Variants in ZNF236 observed in about 807,000 individuals in gnomAD.
The protein encoded by ZNF236 is zinc finger protein 236.
Under a neutral mutation model 191.2 loss-of-function variants are expected in ZNF236, and 50 were observed. The observed-to-expected ratio is 0.26, with a 90% CI of 0.21 to 0.33. The LOEUF (loss-of-function observed/expected upper bound fraction) is 0.33, where lower values mean the gene tolerates loss of function less well. Ranked by LOEUF, ZNF236 falls within the 10% of genes least tolerant of loss-of-function variation. The pLI, the probability that ZNF236 is intolerant of heterozygous loss-of-function variation, is 1.00. For synonymous variants in ZNF236, 907 were observed against 928.8 expected, an observed-to-expected ratio of 0.98 and a Z score of 0.43; for missense variants, 1,754 against 2,374.5, an observed-to-expected ratio of 0.74 and a Z score of 5.43.
rs999184848 is a variant in ZNF236 at position 76,972,137 on chromosome 18, C to T, written c.*3798C>T. ...GAATGAAATTTCAAAAGCGCCTACA[C>T]GCACCACCCAATTTAATGTCGTATC... On this transcript the variant is annotated 3_prime_UTR_variant, in exon 31 of 31. Transcript: ENST00000320610. Among the ~76,000 whole-genome samples, 25 of 152,226 alleles carry T rather than the reference C, an allele frequency of 1.6e-4. No individual in the cohort carries two copies. Among genetic ancestry groups the T allele is most frequent in the Admixed American group, 7.9e-4 (12 of 15,276 alleles).
In ZNF236 at chr18:76,837,731, G is replaced by A. The variant is rs146396099; in HGVS notation, c.56-11795G>A. Among the ~76,000 whole-genome samples, 439 of 152,196 alleles carry A rather than the reference G, an allele frequency of 2.9e-3. 5 individuals are homozygous for A. Among genetic ancestry groups the A allele is most frequent in the African/African-American group, 0.01 (419 of 41,524 alleles). On this transcript the variant is annotated intron_variant, in intron 1 of 30. Coordinates refer to ENST00000320610, the MANE Select transcript of ZNF236 (RefSeq NM_001306089.2). ...GCTGGGATTACAGGCGTGACCCACC[G>A]CGCCTGGCTTTGAATTCAGTTTTTA...
In ZNF236 at chr18:76,895,025, A is replaced by T; in HGVS notation, c.1430A>T (p.Glu477Val). The T allele has an allele frequency of 6.2e-7, 1 of 1,609,682 alleles. No individual in the cohort carries two copies. Among genetic ancestry groups the T allele is most frequent in the African/African-American group, 1.3e-5 (1 of 75,070 alleles). The change falls in exon 10 of 31, where the codon GAG becomes GTG. Residue 477 changes from glutamate to valine, a missense_variant. Physicochemically the swap from Glu to Val is moderately radical, Grantham distance 121. Transcript: ENST00000320610. ...TCTCCCTTCACAGGCTCCATCCGCGAGGAGAACGGCGTGCGCTGGCATGTG... is the reference window on the plus strand; with the variant it reads ...TCTCCCTTCACAGGCTCCATCCGCGTGGAGAACGGCGTGCGCTGGCATGTG... ...KSPFLPGSIR[E>V]ENGVRWHVCP...
intron 25 of ZNF236, chr18:76,936,254 T>A (rs1438582095): frequency 2.2e-6 from 1 of 449,338 alleles, no homozygotes; most frequent in African/African-American, 2.0e-5. Context: ...CTGGCACAAG[T>A]GGATGAGGAA....
At position 76,969,070 on chromosome 18, in the gene ZNF236, G is replaced by A; in HGVS notation, c.*731G>A. The A allele has an allele frequency of 3.8e-6, 3 of 783,552 alleles. No homozygotes were observed. The highest frequency in any genetic ancestry group is 5.8e-5 in the South Asian group (1 of 17,282). The allele number at this position is 783,552 out of a possible 1,614,324, so 48.5% of individuals were successfully genotyped here. ...ACTTACCGCATCAATCTGTGTTCAGGTCCAGGGTTACATAATTGCAGAAGC... is the reference window on the plus strand; with the variant it reads ...ACTTACCGCATCAATCTGTGTTCAGATCCAGGGTTACATAATTGCAGAAGC... On this transcript the variant is annotated 3_prime_UTR_variant, in exon 31 of 31. Coordinates refer to ENST00000320610, the MANE Select transcript of ZNF236 (RefSeq NM_001306089.2).
intron 3 of ZNF236, among the ~76,000 whole-genome samples, chr18:76,868,310 C>A (rs1400591957): frequency 6.6e-6 from 1 of 152,186 alleles, no homozygotes; most frequent in Non-Finnish European, 1.5e-5. Context: ...ACTTTGAATT[C>A]TTTCCTGACC....
Position 76,925,579 on chromosome 18 carries a change from G to A in ZNF236, c.4027+25G>A. 3.7e-6 allele frequency: 6 copies of A among 1,603,042 alleles called. No homozygotes were observed. Among genetic ancestry groups the A allele is most frequent in the Non-Finnish European group, 5.1e-6 (6 of 1,177,436 alleles). On this transcript the variant is annotated intron_variant, in intron 22 of 30. Coordinates refer to ENST00000320610, the MANE Select transcript of ZNF236 (RefSeq NM_001306089.2). This position sits in a 1 kb window ranked among gnomAD's most constrained non-coding sequence, Gnocchi z 5.7. ...GGTAAACGCTGAGCCGAGGGAATGA[G>A]AGCAGCACAGTGATTGAACTGTTCT...
chr18:76,862,290 G>A (rs1976262357), intron 3 of ZNF236, among the ~76,000 whole-genome samples: 3 of 152,200 alleles, frequency 2.0e-5, no homozygotes, highest in Admixed American at 1.3e-4. Flanking sequence ...CTGGGAAAAG[G>A]TTGGTCCAAC....
At chr18:76,845,621 T>A (rs969339441) in intron 1 of ZNF236, among the ~76,000 whole-genome samples, 1 of 152,002 alleles carries the variant, frequency 6.6e-6, no homozygotes, top group Non-Finnish European at 1.5e-5. Flanking sequence ...GAGGCAGAGA[T>A]GGGTGGATCA....
rs565383218 is a variant in ZNF236, at chr18:76,866,792, A to G, written c.364-1893A>G. Among the ~76,000 whole-genome samples the G allele has an allele frequency of 5.1e-4, 77 of 152,266 alleles. 1 individual carries two copies. The highest frequency in any genetic ancestry group is 1.2e-3 in the South Asian group (6 of 4,822). On this transcript the variant is annotated intron_variant, in intron 3 of 30. Transcript: ENST00000320610. ...CATGGGGTGTTGTTCTTCTTACAGA[A>G]GAACACTTCCTCAAGTGTTGCCAGG...
At chr18:76,909,755 C>T (rs968717094) in intron 14 of ZNF236, among the ~76,000 whole-genome samples, 2 of 152,152 alleles carry the variant, frequency 1.3e-5, no homozygotes, top group African/African-American at 4.8e-5. Context: ...TACACTTACC[C>T]CTATGGTGCC....
At chr18:76,856,623 T>A (rs1976048548) in intron 3 of ZNF236, among the ~76,000 whole-genome samples, 1 of 152,180 alleles carries the variant, frequency 6.6e-6, no homozygotes, top group African/African-American at 2.4e-5. Context: ...TAGCCATGAA[T>A]AATATTTTTA....
At position 76,972,213 on chromosome 18, in the gene ZNF236, G is replaced by T. The variant is rs1166170779; in HGVS notation, c.*3874G>T. Among the ~76,000 whole-genome samples the T allele has an allele frequency of 2.0e-5, 3 of 152,190 alleles. No individual in the cohort carries two copies. Among genetic ancestry groups the T allele is most frequent in the African/African-American group, 4.8e-5 (2 of 41,444 alleles). On this transcript the variant is annotated 3_prime_UTR_variant, in exon 31 of 31. Coordinates refer to ENST00000320610, the MANE Select transcript of ZNF236 (RefSeq NM_001306089.2). The stretch of plus-strand genomic sequence containing the variant: ...CCATATTCTAATGAAAAGATCGTAC[G>T]CCAAAGGCCACTGAGCTGGCATCTT...
At chr18:76,883,563 G>A (rs1404734941) in intron 9 of ZNF236, among the ~76,000 whole-genome samples, 2 of 151,868 alleles carry the variant, frequency 1.3e-5, no homozygotes, top group African/African-American at 2.4e-5. Context: ...AGCTGGGACT[G>A]CAGGCATGTG....
intron 28 of ZNF236, among the ~76,000 whole-genome samples, chr18:76,957,288 C>T (rs902930846): frequency 6.6e-6 from 1 of 152,098 alleles, no homozygotes; most frequent in South Asian, 2.1e-4. Flanking sequence ...ACCAGGATGG[C>T]TTTTTTGGAG....
chr18:76,863,485 G>A (rs1289963567), intron 3 of ZNF236, among the ~76,000 whole-genome samples: 2 of 152,104 alleles, frequency 1.3e-5, no homozygotes, highest in African/African-American at 2.4e-5. Flanking sequence ...CACTGATTCA[G>A]GTGACAGCGA....
At chr18:76,952,987 G>A (rs1189147788) in intron 27 of ZNF236, among the ~76,000 whole-genome samples, 3 of 152,082 alleles carry the variant, frequency 2.0e-5, no homozygotes, top group Non-Finnish European at 4.4e-5. Flanking sequence ...TACGGCCTGG[G>A]GCTCACTTCG....
At chr18:76,871,543 C>T (rs1976584058) in intron 4 of ZNF236, among the ~76,000 whole-genome samples, 158 bp from the exon 5 acceptor site, 1 of 152,054 alleles carries the variant, frequency 6.6e-6, no homozygotes, top group Non-Finnish European at 1.5e-5. Flanking sequence ...TTAAAACTAA[C>T]ACATATACAC....
At position 76,847,610 on chromosome 18, in the gene ZNF236, C is replaced by T. The variant is rs1331081924; in HGVS notation, c.56-1916C>T. 3.9e-5 allele frequency among the ~76,000 whole-genome samples: 6 copies of T among 152,236 alleles called. No homozygotes were observed. In the South Asian group the frequency reaches 1.0e-3, roughly 26 times the overall value. On this transcript the variant is annotated intron_variant, in intron 1 of 30. Coordinates refer to ENST00000320610, the MANE Select transcript of ZNF236 (RefSeq NM_001306089.2). ...CCTCCCGAGTAGCTGGGGCTACAGG[C>T]GCCCACCACCACGCCCGGCTGATTT...
chr18:76,847,554 C>T (rs920401647), intron 1 of ZNF236, among the ~76,000 whole-genome samples: 5 of 152,196 alleles, frequency 3.3e-5, no homozygotes, highest in Admixed American at 2.0e-4. Flanking sequence ...CAAGCTCGGC[C>T]TCCCAGGTTC....
Sources: gnomAD v4.1 joint callset for allele counts (sites outside exome capture counted in the v4.1 genomes callset) on GRCh38, gnomAD v4.1.1 for gene constraint, Gnocchi (gnomAD v3.1) non-coding constraint, MANE v1.5 for transcripts, NCBI Gene and HGNC (gene_info 2026-07-23, HGNC 2026-07-21) for gene names.